Variants in CLNK observed in about 807,000 individuals in gnomAD.
CLNK encodes cytokine dependent hematopoietic cell linker, also known as cytokine-dependent hematopoietic cell linker.
CLNK carries 74 observed loss-of-function variants against 68.6 expected under a neutral mutation model. The ratio of observed to expected loss-of-function variants is 1.08; its 90% CI spans 0.89 to 1.31. The LOEUF (loss-of-function observed/expected upper bound fraction) is 1.31, where lower values mean the gene tolerates loss of function less well. Among genes scored for constraint, CLNK ranks in the 50% most tolerant of loss-of-function variants. The pLI, the probability that CLNK is intolerant of heterozygous loss-of-function variation, is 0.00. For missense variants in CLNK, 553 were observed against 515.3 expected (o/e 1.07, Z -0.71); for synonymous variants, 198 against 172.2 (o/e 1.15, Z -1.17).
chr4:10,586,174 A>T (rs1720958187), intron 3 of CLNK, among the ~76,000 whole-genome samples: 1 of 152,028 alleles, frequency 6.6e-6, no homozygotes, highest in Non-Finnish European at 1.5e-5. Flanking sequence ...TTCCTAACAC[A>T]CCACAGACCA....
chr4:10,537,706 C>CTTTCCTTCTTTCTTTCTTTCTTT (rs1553848182), intron 11 of CLNK, among the ~76,000 whole-genome samples: 1 of 13,376 alleles, frequency 7.5e-5, no homozygotes, highest in Non-Finnish European at 1.5e-4. Flanking sequence ...TTCCTTCCTT[C>CTTTCCTTCTTTCTTTCTTTCTTT]CTTTCTTTCT....
chr4:10,658,757 C>T (rs1235758899), intron 2 of CLNK, among the ~76,000 whole-genome samples: 2 of 152,224 alleles, frequency 1.3e-5, no homozygotes, highest in African/African-American at 2.4e-5. Context: ...AGTGTCCCTT[C>T]TGTCACACTC....
At chr4:10,495,823 A>G (rs927699369) in intron 18 of CLNK, among the ~76,000 whole-genome samples, 1 of 126,434 alleles carries the variant, frequency 7.9e-6, no homozygotes, top group African/African-American at 3.1e-5. Flanking sequence ...TCACGTGACC[A>G]TAGAGAGAGA....
At chr4:10,545,095 C>G (rs1282423954) in intron 8 of CLNK, among the ~76,000 whole-genome samples, 4 of 152,222 alleles carry the variant, frequency 2.6e-5, no homozygotes, top group African/African-American at 9.6e-5. Flanking sequence ...GACATTCAAA[C>G]CAGCATTCCA....
intron 11 of CLNK, among the ~76,000 whole-genome samples, chr4:10,535,400 A>G (rs1718719480): frequency 1.3e-5 from 2 of 152,206 alleles, no homozygotes; most frequent in African/African-American, 4.8e-5. Flanking sequence ...ATATGGGACA[A>G]TGAACCCTCG....
chr4:10,600,553 ATC>A lies in CLNK; in HGVS notation c.12-2506_12-2505del, dbSNP rs1284183735. On this transcript the variant is annotated intron_variant, in intron 2 of 18. Coordinates refer to ENST00000226951, the MANE Select transcript of CLNK (RefSeq NM_052964.4). The stretch of plus-strand genomic sequence containing the variant: ...ATTCATTATGCATGTACATGTCCAT[ATC>A]CCCTTGCATTGGAGCCTTGCAAGGG... Among the ~76,000 whole-genome samples the A allele has an allele frequency of 5.9e-5, 9 of 152,292 alleles. No homozygotes were observed. The East Asian group carries it at 1.7e-3, about 29-fold the overall frequency.
chr4:10,571,314 T>TTGTTGC (rs1283949270), intron 5 of CLNK, among the ~76,000 whole-genome samples: 31 of 150,098 alleles, frequency 2.1e-4, no homozygotes, highest in African/African-American at 6.8e-4. Flanking sequence ...TTTGTTGTTG[T>TTGTTGC]TGTTGCTGTT....
At chr4:10,595,133 C>T (rs934269184) in intron 3 of CLNK, among the ~76,000 whole-genome samples, 17 of 152,166 alleles carry the variant, frequency 1.1e-4, no homozygotes, top group African/African-American at 1.2e-4. Context: ...CCAGAAATGC[C>T]ACTTGACTTG....
chr4:10,664,276 T>C (rs897601815), intron 2 of CLNK, among the ~76,000 whole-genome samples: 3 of 152,162 alleles, frequency 2.0e-5, no homozygotes, highest in Non-Finnish European at 4.4e-5. Context: ...TTCTTTGCTT[T>C]GGGGAAGGAC....
intron 17 of CLNK, among the ~76,000 whole-genome samples, chr4:10,505,859 A>T (rs544308766): frequency 6.6e-6 from 1 of 152,234 alleles, no homozygotes; most frequent in African/African-American, 2.4e-5. Context: ...GAATGTGAAC[A>T]TCTTTGGGGG....
chr4:10,523,545 A>C (rs938365379), intron 14 of CLNK, among the ~76,000 whole-genome samples: 5 of 152,230 alleles, frequency 3.3e-5, no homozygotes, highest in African/African-American at 9.7e-5. Context: ...GAATTAGAAG[A>C]AGCAGCAGCC....
chr4:10,671,796 T>C (rs1198145816), intron 1 of CLNK, among the ~76,000 whole-genome samples: 1 of 152,198 alleles, frequency 6.6e-6, no homozygotes, highest in Admixed American at 6.5e-5. Context: ...GTTTTAGTTA[T>C]AAAGGAAATA....
At chr4:10,677,305 A>G (rs1223230617) in intron 1 of CLNK, among the ~76,000 whole-genome samples, 1 of 152,068 alleles carries the variant, frequency 6.6e-6, no homozygotes, top group Non-Finnish European at 1.5e-5. Context: ...TTTTTTCAAC[A>G]TTCATTTATT....
intron 8 of CLNK, among the ~76,000 whole-genome samples, chr4:10,546,004 G>A (rs1719215463): frequency 6.6e-6 from 1 of 152,130 alleles, no homozygotes; most frequent in Non-Finnish European, 1.5e-5. Flanking sequence ...CCTATCCCCT[G>A]AAACCTTTCT....
In CLNK at chr4:10,490,466, G is replaced by A. The variant is rs1716519807; in HGVS notation, c.*1C>T. 2 of 1,612,898 alleles carry A rather than the reference G, an allele frequency of 1.2e-6. No homozygotes were observed. Among genetic ancestry groups the A allele is most frequent in the Admixed American group, 1.7e-5 (1 of 59,872 alleles). ...AAACCAAAGATAACACAAAGACCAG[G>A]CTACAGAGGCAAGAGGTGTCTGGTG... On this transcript the variant is annotated 3_prime_UTR_variant, in exon 19 of 19. Coordinates refer to ENST00000226951, the MANE Select transcript of CLNK (RefSeq NM_052964.4).
At chr4:10,598,278 C>T (rs1023613092) in intron 2 of CLNK, among the ~76,000 whole-genome samples, 3 of 152,132 alleles carry the variant, frequency 2.0e-5, no homozygotes, top group Non-Finnish European at 2.9e-5. Flanking sequence ...TTACAGGAAA[C>T]AGTAGTGTGG....
At chr4:10,575,072 G>T (rs150680486) in intron 4 of CLNK, among the ~76,000 whole-genome samples, 106 of 152,208 alleles carry the variant, frequency 7.0e-4, no homozygotes, top group African/African-American at 2.2e-3. Context: ...TCTGCAGCTT[G>T]TCCTGCTACA....
intron 11 of CLNK, among the ~76,000 whole-genome samples, chr4:10,537,661 T>TTC: frequency 1.8e-5 from 1 of 55,218 alleles, no homozygotes; most frequent in Middle Eastern, 7.0e-3. Context: ...CTTTCTTTCT[T>TTC]TCTTTCTTTC....
intron 1 of CLNK, among the ~76,000 whole-genome samples, chr4:10,677,891 A>G (rs551220215): frequency 8.6e-5 from 13 of 150,614 alleles, no homozygotes; most frequent in African/African-American, 2.7e-4. Context: ...AACCGTATGT[A>G]GGGCATTTTG....
Sources: gnomAD v4.1 joint callset for allele counts (sites outside exome capture counted in the v4.1 genomes callset) on GRCh38, gnomAD v4.1.1 for gene constraint, MANE v1.5 for transcripts, NCBI Gene and HGNC (gene_info 2026-07-23, HGNC 2026-07-21) for gene names.